CD59: variants seen among roughly 807,000 people sequenced by gnomAD.
The protein encoded by CD59 is CD59 molecule (CD59 blood group).
CD59 carries 3 observed loss-of-function variants against 7.0 expected under a neutral mutation model. The ratio of observed to expected loss-of-function variants is 0.43; its 90% CI spans 0.19 to 1.10. The LOEUF (loss-of-function observed/expected upper bound fraction) is 1.10. Ranked by LOEUF, CD59 falls within the 50% of genes least tolerant of loss-of-function variation. CD59 has a pLI of 0.29. For synonymous variants in CD59, 60 were observed against 62.0 expected (o/e 0.97, Z 0.15); for missense variants, 143 against 151.0 (o/e 0.95, Z 0.28).
intron 1 of CD59, among the ~76,000 whole-genome samples, chr11:33,728,922 C>T (rs1257669484): frequency 2.6e-5 from 4 of 152,106 alleles, no homozygotes; most frequent in Admixed American, 6.5e-5. Flanking sequence ...AAAATGCTCA[C>T]CATCACTGGT....
At chr11:33,715,914 T>C (rs1450323960) in intron 3 of CD59, among the ~76,000 whole-genome samples, 1 of 152,230 alleles carries the variant, frequency 6.6e-6, no homozygotes, top group Non-Finnish European at 1.5e-5. Flanking sequence ...ATTCAACACA[T>C]AGTAATTGCC....
intron 1 of CD59, among the ~76,000 whole-genome samples, chr11:33,726,608 AT>A (rs1854266386): frequency 6.6e-6 from 1 of 152,222 alleles, no homozygotes; most frequent in African/African-American, 2.4e-5. Flanking sequence ...TAACATCACA[AT>A]TAAAAGAACT....
chr11:33,733,110 A>G (rs1411131061), intron 1 of CD59, among the ~76,000 whole-genome samples: 2 of 152,210 alleles, frequency 1.3e-5, no homozygotes, highest in African/African-American at 2.4e-5. Flanking sequence ...ACAGAACCTC[A>G]GTCCTCCAGT....
rs2231457 is a variant in CD59 at position 33,717,467 on chromosome 11, A to G, written c.72T>C (p.His24=). ...LVLAVFCHSG[H]SLQCYNCPNP... ...TAGGACAGTTGTAGCACTGCAGGCTATGACCTAGAATCAGGAAGAAAGTCA... is the reference window on the plus strand; with the variant it reads ...TAGGACAGTTGTAGCACTGCAGGCTGTGACCTAGAATCAGGAAGAAAGTCA... Residue 24 remains histidine (H), a synonymous_variant, in exon 3 of 4, where the codon CAT becomes CAC. Coordinates refer to ENST00000642928, the MANE Select transcript of CD59 (RefSeq NM_000611.6). 467 of 1,598,316 alleles carry G rather than the reference A, an allele frequency of 2.9e-4. 1 individual carries two copies. Among genetic ancestry groups the G allele is most frequent in the Admixed American group, 9.2e-4 (55 of 59,958 alleles).
intron 3 of CD59, among the ~76,000 whole-genome samples, chr11:33,711,057 G>T (rs1247154405): frequency 1.3e-5 from 2 of 151,226 alleles, no homozygotes; most frequent in East Asian, 1.9e-4. Flanking sequence ...AAAGGTGGGG[G>T]GGGGGCAGAA....
intron 1 of CD59, among the ~76,000 whole-genome samples, chr11:33,729,183 T>C (rs1854342266): frequency 6.6e-6 from 1 of 152,188 alleles, no homozygotes; most frequent in Non-Finnish European, 1.5e-5. Flanking sequence ...TATAAATCAT[T>C]CTACTATAAA....
chr11:33,709,791 A>T lies in CD59; in HGVS notation c.*335T>A, dbSNP rs1231661856. On this transcript the variant is annotated 3_prime_UTR_variant, in exon 4 of 4. Coordinates refer to ENST00000642928, the MANE Select transcript of CD59 (RefSeq NM_000611.6). ...TGATGCTAACTGACTACATCCAAGG[A>T]GCCAGAGGAAAAATAATCTGAGGGC... 6.8e-6 allele frequency: 3 copies of T among 441,188 alleles called. No individual in the cohort carries two copies. The highest frequency in any genetic ancestry group is 8.4e-6 in the Non-Finnish European group (2 of 238,720). The allele number at this position is 441,188 out of a possible 1,614,324, so 27.3% of individuals were successfully genotyped here. A position where few individuals can be genotyped will look rare whatever the true frequency, so the allele number is the denominator to read the frequency against.
At chr11:33,716,882 A>C (rs1248151120) in intron 3 of CD59, among the ~76,000 whole-genome samples, 2 of 152,196 alleles carry the variant, frequency 1.3e-5, no homozygotes, top group African/African-American at 2.4e-5. Context: ...AATATACCAG[A>C]TACCCCATGG....
At chr11:33,723,834 G>GGT (rs1386255359) in intron 1 of CD59, among the ~76,000 whole-genome samples, 1 of 152,096 alleles carries the variant, frequency 6.6e-6, no homozygotes, top group Non-Finnish European at 1.5e-5. Flanking sequence ...GGGAGAGGAA[G>GGT]GTATTGGTCT....
chr11:33,718,944 T>G (rs1289255708), intron 2 of CD59: 1 of 152,232 alleles, frequency 6.6e-6, no homozygotes. Flanking sequence ...AGAGATAAAC[T>G]ATCTTCATGC....
chr11:33,731,340 T>C (rs1038943994), intron 1 of CD59: 8 of 151,866 alleles, frequency 5.3e-5, no homozygotes, highest in Admixed American at 2.0e-4. Flanking sequence ...ATATATGCAA[T>C]CCAAAGAAAT....
intron 2 of CD59, among the ~76,000 whole-genome samples, chr11:33,720,241 G>A (rs1440485334): frequency 6.6e-6 from 1 of 152,238 alleles, no homozygotes; most frequent in Non-Finnish European, 1.5e-5. Context: ...AGACTAAGAT[G>A]TTAACTAAAT....
At chr11:33,725,089 T>C (rs1480166031) in intron 1 of CD59, among the ~76,000 whole-genome samples, 1 of 152,178 alleles carries the variant, frequency 6.6e-6, no homozygotes, top group Non-Finnish European at 1.5e-5. Flanking sequence ...AGATCATTTA[T>C]GGCTTTTTAT....
At position 33,707,712 on chromosome 11, in the gene CD59, C is replaced by T. The variant is rs1386851929; in HGVS notation, c.*2414G>A. ...TGAGACAGACACATGAATCCCTCTT[C>T]GTTGATCAGGGTCAGTTGGAGGATG... is the stretch of plus-strand genomic sequence containing the variant. On this transcript the variant is annotated 3_prime_UTR_variant, in exon 4 of 4. Coordinates refer to ENST00000642928, the MANE Select transcript of CD59 (RefSeq NM_000611.6). The T allele has an allele frequency of 1.3e-5, 2 of 152,246 alleles. No individual in the cohort carries two copies. The highest frequency in any genetic ancestry group is 2.4e-5 in the African/African-American group (1 of 41,458). 9.4% of individuals were successfully genotyped at this position (152,246 alleles called of 1,614,324 possible). A position where few individuals can be genotyped will look rare whatever the true frequency, so the allele number is the denominator to read the frequency against.
At chr11:33,722,551 C>G (rs1431682348) in intron 1 of CD59, 88 bp from the exon 2 acceptor site, 3 of 1,562,028 alleles carry the variant, frequency 1.9e-6, no homozygotes, top group Admixed American at 3.8e-5. Context: ...GCCAAGAAGG[C>G]TTCTGAGAGG....
intron 3 of CD59, among the ~76,000 whole-genome samples, chr11:33,713,884 T>C (rs951907162): frequency 5.9e-5 from 9 of 152,076 alleles, no homozygotes; most frequent in Admixed American, 2.6e-4. Context: ...ATCCCTGGAG[T>C]GTTACAGGTT....
At chr11:33,729,868 A>AAT (rs1478713596) in intron 1 of CD59, among the ~76,000 whole-genome samples, 3 of 152,006 alleles carry the variant, frequency 2.0e-5, no homozygotes, top group South Asian at 2.1e-4. Flanking sequence ...ATATCAATTA[A>AAT]ATATATATAT....
intron 3 of CD59, among the ~76,000 whole-genome samples, chr11:33,715,417 T>C (rs113008246): frequency 0.03 from 4,551 of 151,942 alleles, 79 homozygotes; most frequent in Non-Finnish European, 0.043. Context: ...CTGGGCAAAA[T>C]AGTGAAACCC....
intron 1 of CD59, chr11:33,722,694 C>T: frequency 1.5e-6 from 2 of 1,328,362 alleles, no homozygotes; most frequent in African/African-American, 1.5e-5. Flanking sequence ...GTGGGAATAA[C>T]ACTATCTTCC....
Sources: gnomAD v4.1 joint callset for allele counts (sites outside exome capture counted in the v4.1 genomes callset) on GRCh38, gnomAD v4.1.1 for gene constraint, MANE v1.5 for transcripts, NCBI Gene and HGNC (gene_info 2026-07-23, HGNC 2026-07-21) for gene names.